PLAA: variants seen among roughly 807,000 people sequenced by gnomAD.
The protein encoded by PLAA is phospholipase A-2-activating protein.
A neutral mutation model predicts 84.1 loss-of-function variants in PLAA; 48 were observed. That is an observed-to-expected ratio of 0.57 (90% CI 0.45 to 0.73). The LOEUF (loss-of-function observed/expected upper bound fraction) is 0.73, where lower values mean the gene tolerates loss of function less well. Among genes scored for constraint, PLAA ranks in the 30% least tolerant of loss-of-function variants. The pLI is 0.00. For synonymous variants in PLAA, 392 were observed against 336.6 expected (o/e 1.16, Z -1.80); for missense variants, 903 against 954.7 (o/e 0.95, Z 0.71).
intron 2 of PLAA, among the ~76,000 whole-genome samples, chr9:26,930,372 G>C (rs1825142582): frequency 6.6e-6 from 1 of 152,080 alleles, no homozygotes; most frequent in Admixed American, 6.5e-5. Context: ...CCAAGTGCTG[G>C]GATTACAGGC....
intron 1 of PLAA, among the ~76,000 whole-genome samples, chr9:26,939,906 G>C (rs1825477901): frequency 6.6e-6 from 1 of 152,104 alleles, no homozygotes. Context: ...TGACATAATT[G>C]AAGTGATATA....
chr9:26,933,332 G>C (rs1399547734), intron 2 of PLAA, among the ~76,000 whole-genome samples: 2 of 151,706 alleles, frequency 1.3e-5, no homozygotes, highest in South Asian at 2.1e-4. Flanking sequence ...CTACTCTGGA[G>C]GCTGAGGCAG....
At chr9:26,929,329 A>T (rs1045732090) in intron 2 of PLAA, among the ~76,000 whole-genome samples, 1 of 152,104 alleles carries the variant, frequency 6.6e-6, no homozygotes, top group African/African-American at 2.4e-5. Context: ...CAGCTCTAAA[A>T]CAAAAATTTT....
intron 1 of PLAA, among the ~76,000 whole-genome samples, chr9:26,943,127 C>T (rs1825591364): frequency 6.6e-6 from 1 of 152,096 alleles, no homozygotes; most frequent in South Asian, 2.1e-4. Context: ...TCATCTCTCC[C>T]CACCCAGAAG....
intron 10 of PLAA, chr9:26,915,865 A>C (rs1358320843): frequency 1.0e-6 from 1 of 985,288 alleles, no homozygotes; most frequent in African/African-American, 1.7e-5. Context: ...AAGCCGCCAA[A>C]GTGATTTGGA....
chr9:26,945,638 G>A (rs1265347487), intron 1 of PLAA, among the ~76,000 whole-genome samples: 1 of 152,164 alleles, frequency 6.6e-6, no homozygotes, highest in Admixed American at 6.5e-5. Flanking sequence ...TTCTCAACAC[G>A]GAAATCAGAT....
intron 10 of PLAA, chr9:26,915,733 A>G (rs1283423920): frequency 1.0e-6 from 1 of 985,034 alleles, no homozygotes. Context: ...TAATTACTGC[A>G]TCTTCTGAGT....
chr9:26,927,719 C>G (rs555798109), intron 4 of PLAA, among the ~76,000 whole-genome samples: 9 of 152,134 alleles, frequency 5.9e-5, no homozygotes, highest in African/African-American at 1.9e-4. Flanking sequence ...ATGATTTCTT[C>G]CATATATGAA....
Position 26,910,423 on chromosome 9 carries a change from T to C in PLAA, c.1572A>G (p.Arg524=). The C allele has an allele frequency of 6.2e-7, 1 of 1,612,424 alleles. No individual in the cohort carries two copies. The highest frequency in any genetic ancestry group is 1.3e-5 in the African/African-American group (1 of 75,008). ...VDPFTGNSAY[R]SAASKTMNIY... is the part of the protein sequence containing the mutation. ...TATTCATTGTTTTAGATGCAGCTGA[T>C]CGGTAGGCACTATTCCCTATTTAAA... The change falls in exon 12 of 14, where the codon CGA becomes CGG. Residue 524 remains arginine, a synonymous_variant. Transcript: ENST00000397292.
At position 26,935,056 on chromosome 9, in the gene PLAA, G is replaced by T. The variant is rs745826532; in HGVS notation, c.300C>A (p.Asp100Glu). Residue 100 changes from aspartate (D) to glutamate (E), a missense_variant, in exon 2 of 14, where the codon GAC (aspartate) becomes GAA (glutamate). Transcript: ENST00000397292. ...TTAGAATATAAAGTGGCATTGGACT[G>T]TCCAGTGAGAAAATGCATATATTGT... is the stretch of plus-strand genomic sequence containing the variant. ...NDHNICIFSL[D>E]SPMPLYILKG... The T allele has an allele frequency of 2.6e-5, 42 of 1,608,674 alleles. No individual in the cohort carries two copies. Among genetic ancestry groups the T allele is most frequent in the Middle Eastern group, 1.6e-4 (1 of 6,074 alleles).
At chr9:26,921,796 T>C (rs915514902) in intron 7 of PLAA, among the ~76,000 whole-genome samples, 1 of 152,210 alleles carries the variant, frequency 6.6e-6, no homozygotes, top group African/African-American at 2.4e-5. Flanking sequence ...TGCATATTCA[T>C]ACAGTTTATT....
intron 11 of PLAA, among the ~76,000 whole-genome samples, chr9:26,911,352 CA>C (rs1486339560): frequency 1.2e-4 from 18 of 152,174 alleles, no homozygotes; most frequent in African/African-American, 4.3e-4. Flanking sequence ...AGGGTTTCAC[CA>C]CATTGGCCAG....
At position 26,935,089 on chromosome 9, in the gene PLAA, T is replaced by C; in HGVS notation, c.267A>G (p.Gly89=). The C allele has an allele frequency of 6.2e-7, 1 of 1,610,734 alleles. No homozygotes were observed. The highest frequency in any genetic ancestry group is 8.5e-7 in the Non-Finnish European group (1 of 1,178,934). ...AGAAAATGCATATATTGTGGTCATT[T>C]CCACCGGTGGCAATTAGGCCATGAG... is the stretch of plus-strand genomic sequence containing the variant. ...IYPHGLIATG[G]NDHNICIFSL... Residue 89 remains glycine (G), a synonymous_variant, in exon 2 of 14, where the codon GGA becomes GGG. Coordinates refer to ENST00000397292, the MANE Select transcript of PLAA (RefSeq NM_001031689.3).
rs184946839 is a variant in PLAA at position 26,912,468 on chromosome 9, G to A, written c.1555+1411C>T. 6.6e-5 allele frequency among the ~76,000 whole-genome samples: 10 copies of A among 152,240 alleles called. No homozygotes were observed. In the East Asian group the frequency reaches 1.2e-3, roughly 18 times the overall value. Reference sequence around the variant, plus strand: ...CAGAGTAAACAATAAAAAGATCACTGTCTGCAATATGGATCATCGAGAGAC... The same window carrying A: ...CAGAGTAAACAATAAAAAGATCACTATCTGCAATATGGATCATCGAGAGAC... On this transcript the variant is annotated intron_variant, in intron 11 of 13. Coordinates refer to ENST00000397292, the MANE Select transcript of PLAA (RefSeq NM_001031689.3).
intron 11 of PLAA, among the ~76,000 whole-genome samples, chr9:26,910,676 C>G (rs1417032459): frequency 1.3e-5 from 2 of 151,936 alleles, no homozygotes; most frequent in Non-Finnish European, 1.5e-5. Context: ...TCATCTCACA[C>G]TTTTTACTTC....
At chr9:26,944,755 C>T (rs1464047188) in intron 1 of PLAA, among the ~76,000 whole-genome samples, 1 of 152,196 alleles carries the variant, frequency 6.6e-6, no homozygotes, top group Admixed American at 6.5e-5. Flanking sequence ...CGCACTAACA[C>T]ACACTGTGGC....
intron 2 of PLAA, among the ~76,000 whole-genome samples, chr9:26,931,790 C>T (rs1825193241): frequency 6.6e-6 from 1 of 152,126 alleles, no homozygotes; most frequent in South Asian, 2.1e-4. Flanking sequence ...GCCTGTAATC[C>T]CACCACTTTG....
At chr9:26,919,790 CAG>C (rs1247423692) in intron 8 of PLAA, among the ~76,000 whole-genome samples, 2 of 152,184 alleles carry the variant, frequency 1.3e-5, no homozygotes, top group Non-Finnish European at 2.9e-5. Context: ...AGAGCCAAAG[CAG>C]AGTTTCCAAC....
At chr9:26,906,895 A>C (rs1824255149) in intron 13 of PLAA, among the ~76,000 whole-genome samples, 1 of 152,114 alleles carries the variant, frequency 6.6e-6, no homozygotes, top group Admixed American at 6.6e-5. Flanking sequence ...CCGTAATGTA[A>C]AAGTAGTATG....
Sources: allele counts gnomAD v4.1 joint callset (sites outside exome capture counted in the v4.1 genomes callset), GRCh38; gene constraint gnomAD v4.1.1; transcripts MANE v1.5; gene names NCBI Gene and HGNC (gene_info 2026-07-23, HGNC 2026-07-21).